Variants in MCTP1 observed in about 807,000 individuals in gnomAD.
The protein encoded by MCTP1 is multiple C2 and transmembrane domain containing 1.
Under a neutral mutation model 120.6 loss-of-function variants are expected in MCTP1, and 69 were observed. The ratio of observed to expected loss-of-function variants is 0.57; its 90% CI spans 0.47 to 0.70. The LOEUF is 0.70. Ranked by LOEUF, MCTP1 falls within the 30% of genes least tolerant of loss-of-function variation. MCTP1 has a pLI of 0.00. For synonymous variants in MCTP1, 529 were observed against 493.1 expected (o/e 1.07, Z -0.96); for missense variants, 1,203 against 1,248.8 (o/e 0.96, Z 0.55).
At chr5:95,150,205 A>G (rs1760766362) in intron 1 of MCTP1, among the ~76,000 whole-genome samples, 1 of 152,214 alleles carries the variant, frequency 6.6e-6, no homozygotes, top group African/African-American at 2.4e-5. Flanking sequence ...TTTTAATTGC[A>G]TAACCTAATA....
At chr5:94,800,736 C>T (rs1175901008) in intron 17 of MCTP1, among the ~76,000 whole-genome samples, 1 of 151,608 alleles carries the variant, frequency 6.6e-6, no homozygotes, top group African/African-American at 2.4e-5. Flanking sequence ...TATATTTTAC[C>T]GAATTCTTTT....
rs1317826123 is a variant in MCTP1, at chr5:95,285,054, C to G, written c.-479G>C. 6.6e-6 allele frequency among the ~76,000 whole-genome samples: 1 copy of G among 152,186 alleles called. No individual in the cohort carries two copies. Among genetic ancestry groups the G allele is most frequent in the Non-Finnish European group, 1.5e-5 (1 of 68,028 alleles). ...TGTCAGCGGCGGGGGCGGCTGCCTC[C>G]AAATTGGGCGCGCACGCGGCTCACA... On this transcript the variant is annotated 5_prime_UTR_variant, in exon 1 of 23. Transcript: ENST00000515393.
chr5:94,747,285 A>G lies in MCTP1; in HGVS notation c.2610+31825T>C, dbSNP rs375895733. Among the ~76,000 whole-genome samples, 9 of 152,332 alleles carry G rather than the reference A, an allele frequency of 5.9e-5. No homozygotes were observed. The South Asian group carries it at 1.9e-3, about 32-fold the overall frequency. ...TTTAACAGTTATATAATTATATGTTACCTATCATTTCCTATGTAGAAACTG... is the reference window on the plus strand; with the variant it reads ...TTTAACAGTTATATAATTATATGTTGCCTATCATTTCCTATGTAGAAACTG... On this transcript the variant is annotated intron_variant, in intron 19 of 22. Coordinates refer to ENST00000515393, the MANE Select transcript of MCTP1 (RefSeq NM_024717.7).
chr5:94,759,767 A>G (rs932015314), intron 19 of MCTP1, among the ~76,000 whole-genome samples: 2 of 152,254 alleles, frequency 1.3e-5, no homozygotes, highest in Non-Finnish European at 2.9e-5. Flanking sequence ...ACTATCAATG[A>G]AAGTTATTTT....
At chr5:94,805,550 C>G (rs1580781740) in intron 17 of MCTP1, among the ~76,000 whole-genome samples, 1 of 152,150 alleles carries the variant, frequency 6.6e-6, no homozygotes, top group East Asian at 1.9e-4. Flanking sequence ...AACTCTTGAG[C>G]CCAGGAGGTT....
At chr5:95,013,507 T>A (rs534773709) in intron 2 of MCTP1, among the ~76,000 whole-genome samples, 1 of 152,222 alleles carries the variant, frequency 6.6e-6, no homozygotes, top group Non-Finnish European at 1.5e-5. Context: ...CTGGTGACCT[T>A]AAGTTGATGC....
intron 1 of MCTP1, among the ~76,000 whole-genome samples, chr5:95,083,408 C>T (rs1755165059): frequency 6.6e-6 from 1 of 152,128 alleles, no homozygotes; most frequent in African/African-American, 2.4e-5. Flanking sequence ...AATTTGGACA[C>T]TATTAGGATG....
chr5:95,203,159 G>A (rs1191665015), intron 1 of MCTP1, among the ~76,000 whole-genome samples: 1 of 152,204 alleles, frequency 6.6e-6, no homozygotes, highest in Non-Finnish European at 1.5e-5. Flanking sequence ...CAATAATTCT[G>A]ATTGGATGGC....
At chr5:95,007,401 C>T (rs1020324411) in intron 2 of MCTP1, among the ~76,000 whole-genome samples, 3 of 152,122 alleles carry the variant, frequency 2.0e-5, no homozygotes, top group South Asian at 2.1e-4. Context: ...GGCAGCTGCT[C>T]GTATGACCAA....
intron 19 of MCTP1, among the ~76,000 whole-genome samples, chr5:94,716,037 G>C (rs1759123194): frequency 1.3e-5 from 2 of 152,194 alleles, no homozygotes; most frequent in South Asian, 2.1e-4. Flanking sequence ...GGCCAGGGCT[G>C]GCCTCCCGCC....
intron 19 of MCTP1, among the ~76,000 whole-genome samples, chr5:94,745,464 T>C (rs1261235163): frequency 6.6e-6 from 1 of 152,240 alleles, no homozygotes; most frequent in East Asian, 1.9e-4. Context: ...TCACTTTGTC[T>C]CTTTTTGTCT....
intron 18 of MCTP1, among the ~76,000 whole-genome samples, chr5:94,787,672 A>T (rs977366914): frequency 6.7e-6 from 1 of 149,944 alleles, no homozygotes; most frequent in Admixed American, 6.7e-5. Flanking sequence ...GCTGGAGTGC[A>T]GTGGCGCGAT....
chr5:95,031,491 T>G (rs1340617730), intron 1 of MCTP1, among the ~76,000 whole-genome samples: 1 of 152,246 alleles, frequency 6.6e-6, no homozygotes, highest in East Asian at 1.9e-4. Context: ...TTAGCTTTCT[T>G]TAAGAGAAAA....
intron 1 of MCTP1, among the ~76,000 whole-genome samples, chr5:95,201,012 G>T (rs986777972): frequency 2.0e-5 from 3 of 152,194 alleles, no homozygotes; most frequent in Non-Finnish European, 4.4e-5. Flanking sequence ...GCATGTAGAA[G>T]AATTAAGAGT....
chr5:95,105,166 G>A (rs903913455), intron 1 of MCTP1, among the ~76,000 whole-genome samples: 2 of 152,300 alleles, frequency 1.3e-5, no homozygotes, highest in East Asian at 1.9e-4. Context: ...TTAGTAAACT[G>A]TAGAGCTGGG....
At chr5:94,777,010 T>C (rs368957418) in intron 19 of MCTP1, among the ~76,000 whole-genome samples, 4 of 141,854 alleles carry the variant, frequency 2.8e-5, no homozygotes, top group African/African-American at 9.9e-5. Context: ...CATTTGAGAT[T>C]TTATTCAGAT....
intron 18 of MCTP1, among the ~76,000 whole-genome samples, chr5:94,779,770 C>T (rs528053831): frequency 4.6e-5 from 7 of 152,202 alleles, no homozygotes; most frequent in Non-Finnish European, 8.8e-5. Context: ...CATGAGAATG[C>T]ATAGTATAAT....
rs139650584 is a variant in MCTP1, at chr5:94,961,163, A to G, written c.839-7802T>C. ...TGGAAACCATCATTCTCAGCAAGCT[A>G]ACACAGGAACAGAAAACCAAATAGT... On this transcript the variant is annotated intron_variant, in intron 2 of 22. Coordinates refer to ENST00000515393, the MANE Select transcript of MCTP1 (RefSeq NM_024717.7). Among the ~76,000 whole-genome samples, 96 of 152,204 alleles carry G rather than the reference A, an allele frequency of 6.3e-4. No individual in the cohort carries two copies. In the East Asian group the frequency reaches 0.017, roughly 27 times the overall value.
At chr5:94,743,141 T>TAAAAA (rs11327016) in intron 19 of MCTP1, among the ~76,000 whole-genome samples, 1 of 138,856 alleles carries the variant, frequency 7.2e-6, no homozygotes, top group Non-Finnish European at 1.6e-5. Context: ...TAACCCAATG[T>TAAAAA]AAAAAAAAAA....
Sources: allele counts gnomAD v4.1 joint callset (sites outside exome capture counted in the v4.1 genomes callset), GRCh38; gene constraint gnomAD v4.1.1; transcripts MANE v1.5; gene names NCBI Gene and HGNC (gene_info 2026-07-23, HGNC 2026-07-21).